The following WDR59 variants were observed in gnomAD, a reference collection of about 807,000 sequenced individuals.
WDR59 encodes the protein GATOR2 complex protein WDR59.
A neutral mutation model predicts 131.2 loss-of-function variants in WDR59; 100 were observed. That is an observed-to-expected ratio of 0.76 (90% CI 0.65 to 0.90). WDR59 has a LOEUF of 0.90. Among genes scored for constraint, WDR59 ranks in the 40% least tolerant of loss-of-function variants. The pLI, the probability that WDR59 is intolerant of heterozygous loss-of-function variation, is 0.00. For missense variants in WDR59, 1,203 were observed against 1,262.2 expected (o/e 0.95, Z 0.71); for synonymous variants, 601 against 466.2 (o/e 1.29, Z -3.72).
intron 18 of WDR59, among the ~76,000 whole-genome samples, chr16:74,894,890 G>A (rs1464730690): frequency 3.9e-5 from 6 of 152,190 alleles, no homozygotes. Context: ...AGGCAGGGGT[G>A]CAAATTAAAT....
At chr16:74,937,593 C>G (rs542666643) in intron 8 of WDR59, among the ~76,000 whole-genome samples, 1 of 152,248 alleles carries the variant, frequency 6.6e-6, no homozygotes, top group African/African-American at 2.4e-5. Context: ...CCTTTGCCTC[C>G]CAGGTTCAAG....
chr16:74,984,854 G>A, intron 1 of WDR59, 110 bp downstream of exon 1: 3 of 1,493,058 alleles, frequency 2.0e-6, no homozygotes, highest in South Asian at 1.2e-5. Context: ...CACCTCCTCA[G>A]TACGGGGCCT....
rs752233243 is a variant in WDR59 at position 74,904,132 on chromosome 16, G to C, written c.1713-32C>G. The C allele has an allele frequency of 3.8e-6, 6 of 1,597,464 alleles. No individual in the cohort carries two copies. In the South Asian group the frequency reaches 6.8e-5, roughly 18 times the overall value. The stretch of plus-strand genomic sequence containing the variant: ...TTGAAAATGATAATTATCCACACTG[G>C]CTGCAGTCCTGTCATATTTCCAAGT... On this transcript the variant is annotated intron_variant, in intron 17 of 25. Transcript: ENST00000262144.
At position 74,887,675 on chromosome 16, in the gene WDR59, A is replaced by G. The variant is rs769494495; in HGVS notation, c.2419+8T>C. The G allele has an allele frequency of 1.2e-6, 2 of 1,613,960 alleles. No homozygotes were observed. Among genetic ancestry groups the G allele is most frequent in the South Asian group, 1.1e-5 (1 of 91,086 alleles). On this transcript the variant is annotated splice_region_variant and intron_variant, in intron 23 of 25. Coordinates refer to ENST00000262144, the MANE Select transcript of WDR59 (RefSeq NM_030581.4). ...ATCCAGCGTGGGCTAAGTCATTTCC[A>G]TACAAACCTATGTTCCAGCCGCCAG...
chr16:74,886,950 G>C (rs534987805), intron 23 of WDR59, among the ~76,000 whole-genome samples: 3 of 152,042 alleles, frequency 2.0e-5, no homozygotes, highest in African/African-American at 7.2e-5. Flanking sequence ...AATAAATAAA[G>C]CAAATGATGG....
chr16:74,902,400 G>T (rs1317930874), intron 18 of WDR59, among the ~76,000 whole-genome samples: 1 of 151,382 alleles, frequency 6.6e-6, no homozygotes, highest in Non-Finnish European at 1.5e-5. Flanking sequence ...AATTATCCAC[G>T]TGCTCTTGGT....
chr16:74,977,331 A>G (rs2034226485), intron 1 of WDR59, among the ~76,000 whole-genome samples: 1 of 152,166 alleles, frequency 6.6e-6, no homozygotes, highest in Admixed American at 6.6e-5. Context: ...ATGGATTTAC[A>G]ATATATATAA....
intron 2 of WDR59, among the ~76,000 whole-genome samples, chr16:74,957,475 C>T (rs919827244): frequency 6.6e-6 from 1 of 152,118 alleles, no homozygotes; most frequent in Admixed American, 6.6e-5. Flanking sequence ...ATTACTAAGC[C>T]AAAATCCTGT....
intron 10 of WDR59, among the ~76,000 whole-genome samples, chr16:74,921,160 T>C (rs1224296844): frequency 5.9e-5 from 9 of 152,124 alleles, no homozygotes; most frequent in Admixed American, 5.2e-4. Context: ...ACTCCTGTCA[T>C]GGGGGTTTGT....
chr16:74,877,630 C>T (rs746377389), intron 25 of WDR59, among the ~76,000 whole-genome samples: 2 of 152,114 alleles, frequency 1.3e-5, no homozygotes, highest in African/African-American at 2.4e-5. Flanking sequence ...CTGCAACCTC[C>T]GCCTCCCTGA....
At chr16:74,961,764 C>A (rs2033577516) in intron 2 of WDR59, among the ~76,000 whole-genome samples, 1 of 152,106 alleles carries the variant, frequency 6.6e-6, no homozygotes, top group Non-Finnish European at 1.5e-5. Flanking sequence ...ATGATAGTTT[C>A]TTTTGCTGTG....
At chr16:74,891,780 C>T (rs905053806) in intron 20 of WDR59, among the ~76,000 whole-genome samples, 9 of 152,152 alleles carry the variant, frequency 5.9e-5, no homozygotes, top group Non-Finnish European at 8.8e-5. Context: ...AAAAATTAGC[C>T]GGGTTTGGTG....
intron 20 of WDR59, 22 bp from the exon 21 acceptor site, chr16:74,889,837 ACAAACT>A (rs1178159640): frequency 6.3e-7 from 1 of 1,578,408 alleles, no homozygotes; most frequent in African/African-American, 1.4e-5. Flanking sequence ...AAAGAGAAAT[ACAAACT>A]CAAACTGGCA....
intron 2 of WDR59, 86 bp from the exon 3 acceptor site, chr16:74,956,696 A>C (rs1260463586): frequency 1.3e-6 from 2 of 1,525,488 alleles, no homozygotes; most frequent in African/African-American, 2.8e-5. Context: ...AATTGCATAC[A>C]ATTTGCAAGC....
intron 2 of WDR59, chr16:74,963,218 A>C (rs1329483528): frequency 6.6e-6 from 1 of 152,114 alleles, no homozygotes; most frequent in East Asian, 1.9e-4. Flanking sequence ...ATGCCACTGC[A>C]CTCCAGCCTG....
At chr16:74,941,694 G>GAA (rs11379528) in intron 7 of WDR59, among the ~76,000 whole-genome samples, 93 of 137,516 alleles carry the variant, frequency 6.8e-4, no homozygotes, top group Admixed American at 8.0e-4. Context: ...TCTGTCTCAA[G>GAA]AAAAAAAAAA....
chr16:74,911,223 C>A (rs947120377), intron 14 of WDR59, among the ~76,000 whole-genome samples: 1 of 152,186 alleles, frequency 6.6e-6, no homozygotes, highest in Non-Finnish European at 1.5e-5. Flanking sequence ...TTTATACTAA[C>A]AGAAAAATCT....
intron 8 of WDR59, among the ~76,000 whole-genome samples, chr16:74,925,439 G>A (rs960275268): frequency 1.4e-4 from 21 of 151,698 alleles, no homozygotes; most frequent in Non-Finnish European, 2.4e-4. Context: ...AGCTACTCAG[G>A]AGGCTGAGGC....
At chr16:74,966,395 G>A (rs866260607) in intron 1 of WDR59, among the ~76,000 whole-genome samples, 3 of 152,080 alleles carry the variant, frequency 2.0e-5, no homozygotes, top group Admixed American at 6.6e-5. Flanking sequence ...CAGGAGAATC[G>A]CTTGAACGTG....
Sources: gnomAD v4.1 joint callset for allele counts (sites outside exome capture counted in the v4.1 genomes callset) on GRCh38, gnomAD v4.1.1 for gene constraint, MANE v1.5 for transcripts, NCBI Gene and HGNC (gene_info 2026-07-23, HGNC 2026-07-21) for gene names.